The following SGCZ variants were observed in gnomAD, a reference collection of about 807,000 sequenced individuals.
SGCZ encodes zeta-sarcoglycan.
A neutral mutation model predicts 41.3 loss-of-function variants in SGCZ; 40 were observed. That is an observed-to-expected ratio of 0.97 (90% CI 0.75 to 1.26). The LOEUF (loss-of-function observed/expected upper bound fraction) is 1.26, where lower values mean the gene tolerates loss of function less well. Among genes scored for constraint, SGCZ ranks in the 50% most tolerant of loss-of-function variants. The probability of loss-of-function intolerance (pLI) is 0.00; values close to 1 mark genes in which losing one functional copy is unlikely to be tolerated. For synonymous variants in SGCZ, 206 were observed against 137.5 expected, an observed-to-expected ratio of 1.50 and a Z score of -3.49; for missense variants, 552 against 369.8, an observed-to-expected ratio of 1.49 and a Z score of -4.04.
At chr8:14,110,562 G>C (rs1408591648) in intron 5 of SGCZ, among the ~76,000 whole-genome samples, 1 of 151,878 alleles carries the variant, frequency 6.6e-6, no homozygotes, top group East Asian at 1.9e-4. Flanking sequence ...CCACGTAAAG[G>C]GCGAAATTTT....
chr8:14,498,204 A>G (rs1802047929), intron 2 of SGCZ, among the ~76,000 whole-genome samples: 1 of 152,168 alleles, frequency 6.6e-6, no homozygotes, highest in South Asian at 2.1e-4. Context: ...TCATATGCTG[A>G]TAACTTTGTA....
chr8:14,789,835 G>A (rs1421734419), intron 1 of SGCZ, among the ~76,000 whole-genome samples: 10 of 151,926 alleles, frequency 6.6e-5, no homozygotes, highest in African/African-American at 1.9e-4. Context: ...ACTTACCACA[G>A]TAAAATTTTA....
intron 1 of SGCZ, among the ~76,000 whole-genome samples, chr8:15,010,823 C>A (rs1230687805): frequency 6.6e-6 from 1 of 152,134 alleles, no homozygotes; most frequent in East Asian, 1.9e-4. Context: ...CCCATGGTGA[C>A]AATGGGACAC....
intron 2 of SGCZ, among the ~76,000 whole-genome samples, chr8:14,328,937 C>G (rs1005195787): frequency 6.6e-6 from 1 of 152,232 alleles, no homozygotes; most frequent in Non-Finnish European, 1.5e-5. Context: ...TTCCTTCCCT[C>G]TGGAGGACAC....
At chr8:15,169,367 C>T (rs1485818736) in intron 1 of SGCZ, among the ~76,000 whole-genome samples, 1 of 152,172 alleles carries the variant, frequency 6.6e-6, no homozygotes, top group Non-Finnish European at 1.5e-5. Context: ...AGGAGCCTGC[C>T]TCTTCCTGTG....
chr8:14,823,465 A>G (rs926759573), intron 1 of SGCZ, among the ~76,000 whole-genome samples: 1 of 152,218 alleles, frequency 6.6e-6, no homozygotes, highest in African/African-American at 2.4e-5. Context: ...AAAGGCCAAC[A>G]GATATGAAAA....
At chr8:14,101,412 G>T (rs1802016641) in intron 7 of SGCZ, among the ~76,000 whole-genome samples, 1 of 151,178 alleles carries the variant, frequency 6.6e-6, no homozygotes, top group African/African-American at 2.5e-5. Context: ...GTTATCTGAA[G>T]AAATAATGGG....
intron 2 of SGCZ, among the ~76,000 whole-genome samples, chr8:14,348,741 A>T (rs929795396): frequency 6.6e-6 from 1 of 152,170 alleles, no homozygotes; most frequent in Non-Finnish European, 1.5e-5. Context: ...AACATAATCT[A>T]TATTCTCAAG....
At chr8:14,643,935 A>C (rs1008286104) in intron 1 of SGCZ, among the ~76,000 whole-genome samples, 1 of 151,508 alleles carries the variant, frequency 6.6e-6, no homozygotes, top group Admixed American at 6.6e-5. Context: ...TAAATACATT[A>C]TAAGTCAGTG....
chr8:14,721,161 G>A (rs2089749), intron 1 of SGCZ, among the ~76,000 whole-genome samples: 2 of 151,898 alleles, frequency 1.3e-5, no homozygotes, highest in Non-Finnish European at 2.9e-5. Context: ...CTGAGTACTC[G>A]AAAGTTCAGT....
chr8:14,956,781 T>A, intron 1 of SGCZ, among the ~76,000 whole-genome samples: 1 of 152,224 alleles, frequency 6.6e-6, no homozygotes, highest in Admixed American at 6.5e-5. Context: ...CAGACTAGAA[T>A]GCCCAGGTTA....
rs566131746 is a variant in SGCZ, at chr8:15,097,495, T to C, written c.39+140090A>G. 3.3e-5 allele frequency among the ~76,000 whole-genome samples: 5 copies of C among 152,106 alleles called. No individual in the cohort carries two copies. The South Asian group carries it at 8.3e-4, about 25-fold the overall frequency. On this transcript the variant is annotated intron_variant, in intron 1 of 7. Transcript: ENST00000382080. ...TGGGCATGGTTGCTCAAGCCTGTTG[T>C]CCTAGCACTTTGGGAGGCCAAGATG...
At chr8:14,226,747 G>C (rs534458224) in intron 4 of SGCZ, among the ~76,000 whole-genome samples, 1 of 152,162 alleles carries the variant, frequency 6.6e-6, no homozygotes, top group African/African-American at 2.4e-5. Flanking sequence ...CCATATGGTA[G>C]TTGCCTGTTT....
At chr8:14,359,311 A>T (rs1434529971) in intron 2 of SGCZ, among the ~76,000 whole-genome samples, 1 of 152,164 alleles carries the variant, frequency 6.6e-6, no homozygotes, top group African/African-American at 2.4e-5. Context: ...GTTCACATTG[A>T]GTACACTATC....
At chr8:14,377,178 G>T (rs193189368) in intron 2 of SGCZ, among the ~76,000 whole-genome samples, 1 of 152,090 alleles carries the variant, frequency 6.6e-6, no homozygotes, top group African/African-American at 2.4e-5. Context: ...GAGAAGAGAG[G>T]GACTTGAGAT....
At chr8:14,608,479 G>C (rs1805824471) in intron 1 of SGCZ, among the ~76,000 whole-genome samples, 1 of 152,048 alleles carries the variant, frequency 6.6e-6, no homozygotes, top group Admixed American at 6.6e-5. Context: ...TATGGCAAGA[G>C]AGAGAGTGAG....
intron 1 of SGCZ, among the ~76,000 whole-genome samples, chr8:15,224,049 C>A (rs1457755975): frequency 6.6e-6 from 1 of 151,894 alleles, no homozygotes; most frequent in South Asian, 2.1e-4. Context: ...AGAAACGGGG[C>A]TTCACTGTGC....
At chr8:14,568,459 A>T (rs1231704271) in intron 1 of SGCZ, among the ~76,000 whole-genome samples, 1 of 147,634 alleles carries the variant, frequency 6.8e-6, no homozygotes, top group Non-Finnish European at 1.5e-5. Flanking sequence ...AAAAAAAAAA[A>T]ACTAAAGAAG....
intron 1 of SGCZ, among the ~76,000 whole-genome samples, chr8:15,109,290 T>C (rs923043363): frequency 2.0e-5 from 3 of 152,168 alleles, no homozygotes; most frequent in Admixed American, 2.0e-4. Context: ...TAATGAATCA[T>C]GACATATAAT....
Sources: gnomAD v4.1 joint callset for allele counts (sites outside exome capture counted in the v4.1 genomes callset) on GRCh38, gnomAD v4.1.1 for gene constraint, MANE v1.5 for transcripts, NCBI Gene and HGNC (gene_info 2026-07-23, HGNC 2026-07-21) for gene names.